The following DSCAML1 variants were observed in gnomAD, a reference collection of about 807,000 sequenced individuals.
DSCAML1 encodes the protein cell adhesion molecule DSCAML1.
Under a neutral mutation model 200.5 loss-of-function variants are expected in DSCAML1, and 38 were observed. The ratio of observed to expected loss-of-function variants is 0.19; its 90% CI spans 0.15 to 0.25. The LOEUF (loss-of-function observed/expected upper bound fraction) is 0.25, where lower values mean the gene tolerates loss of function less well. Among genes scored for constraint, DSCAML1 ranks in the 10% least tolerant of loss-of-function variants. The pLI, the probability that DSCAML1 is intolerant of heterozygous loss-of-function variation, is 1.00. For synonymous variants in DSCAML1, 1,215 were observed against 1,165.0 expected (o/e 1.04, Z -0.87); for missense variants, 2,223 against 2,858.8 (o/e 0.78, Z 5.07).
chr11:117,696,189 C>T (rs2053585163), intron 3 of DSCAML1, among the ~76,000 whole-genome samples: 1 of 152,184 alleles, frequency 6.6e-6, no homozygotes, highest in African/African-American at 2.4e-5. Context: ...AGAAGCTTCG[C>T]ACGGGGTACA....
intron 17 of DSCAML1, 145 bp downstream of exon 17, chr11:117,464,797 T>C (rs2137159152): frequency 1.6e-6 from 2 of 1,253,494 alleles, no homozygotes; most frequent in Non-Finnish European, 2.2e-6. Flanking sequence ...CAAGAGGAGA[T>C]GGCGGGGATG....
intron 3 of DSCAML1, among the ~76,000 whole-genome samples, chr11:117,711,782 C>A (rs192886963): frequency 3.9e-5 from 6 of 152,192 alleles, no homozygotes; most frequent in Non-Finnish European, 7.3e-5. Flanking sequence ...TTACAACTGG[C>A]CTATCATCAG....
intron 1 of DSCAML1, among the ~76,000 whole-genome samples, chr11:117,804,543 C>T (rs1395498653): frequency 6.6e-6 from 1 of 152,256 alleles, no homozygotes; most frequent in Non-Finnish European, 1.5e-5. Context: ...GCCCCCACAC[C>T]TTCCTTTTGC....
intron 24 of DSCAML1, 79 bp from the exon 25 acceptor site, chr11:117,438,162 G>A (rs2047961197): frequency 7.1e-6 from 10 of 1,410,510 alleles, no homozygotes; most frequent in Non-Finnish European, 9.6e-6. Context: ...ACCCCAACAG[G>A]GGGCTGGGCT....
chr11:117,479,102 A>G (rs7929976), intron 14 of DSCAML1, among the ~76,000 whole-genome samples: 33,367 of 152,250 alleles, frequency 0.22, 3,876 homozygotes, highest in South Asian at 0.42. Flanking sequence ...CTTGCTGAGC[A>G]TCTACCATGT....
At position 117,687,448 on chromosome 11, in the gene DSCAML1, T is replaced by TA. The variant is rs1555198844; in HGVS notation, c.511+89342dup. 9.4e-5 allele frequency among the ~76,000 whole-genome samples: 14 copies of TA among 148,748 alleles called. No homozygotes were observed. The South Asian group carries it at 3.1e-3, about 32-fold the overall frequency. On this transcript the variant is annotated intron_variant, in intron 3 of 32. Coordinates refer to ENST00000651296, the MANE Select transcript of DSCAML1 (RefSeq NM_020693.4). ...GCTATTTTTTTTTTTTTTTTTTTTT[T>TA]AGAGATGGGGTCTCGCTATTTTGCC...
chr11:117,608,705 T>C (rs2051624664), intron 3 of DSCAML1, among the ~76,000 whole-genome samples: 1 of 152,232 alleles, frequency 6.6e-6, no homozygotes. Context: ...TCTGTATTTC[T>C]GATTATTTTC....
intron 3 of DSCAML1, among the ~76,000 whole-genome samples, chr11:117,715,923 A>G (rs1446559106): frequency 6.6e-6 from 1 of 152,122 alleles, no homozygotes; most frequent in Non-Finnish European, 1.5e-5. Context: ...GGCCCACAAG[A>G]CCCTGAAAAT....
chr11:117,458,959 C>T (rs368585842), intron 18 of DSCAML1, 50 bp from the exon 19 acceptor site: 12 of 1,589,350 alleles, frequency 7.6e-6, no homozygotes, highest in Non-Finnish European at 1.0e-5. Context: ...GGGCTGTGGC[C>T]CCTGCTGCTA....
intron 3 of DSCAML1, among the ~76,000 whole-genome samples, chr11:117,576,230 T>C (rs504935): frequency 0.2 from 30,285 of 152,070 alleles, 3,478 homozygotes; most frequent in South Asian, 0.44. Context: ...AGAGGGGTGA[T>C]TGGGTTTGGG....
At chr11:117,585,395 G>A (rs2051120470) in intron 3 of DSCAML1, among the ~76,000 whole-genome samples, 1 of 152,008 alleles carries the variant, frequency 6.6e-6, no homozygotes, top group East Asian at 1.9e-4. Flanking sequence ...GACTACAGGC[G>A]CCCACCACCA....
chr11:117,783,111 G>A (rs990093712), intron 1 of DSCAML1, among the ~76,000 whole-genome samples: 6 of 151,600 alleles, frequency 4.0e-5, no homozygotes, highest in African/African-American at 1.5e-4. Flanking sequence ...ACACATACAT[G>A]CACATACACG....
rs139103236 is a variant in DSCAML1 at position 117,610,096 on chromosome 11, C to G, written c.512-77574G>C. On this transcript the variant is annotated intron_variant, in intron 3 of 32. Coordinates refer to ENST00000651296, the MANE Select transcript of DSCAML1 (RefSeq NM_020693.4). ...CTGCCCCCTCGAGGAGGCACCAGTA[C>G]TCTCTGCATCTGGACTTTCAAGCTG... is the stretch of plus-strand genomic sequence containing the variant. Among the ~76,000 whole-genome samples the G allele has an allele frequency of 9.4e-3, 1,435 of 152,324 alleles. 12 individuals carry two copies. The highest frequency in any genetic ancestry group is 0.02 in the South Asian group (98 of 4,822).
chr11:117,607,190 C>T (rs1254242474), intron 3 of DSCAML1, among the ~76,000 whole-genome samples: 2 of 152,308 alleles, frequency 1.3e-5, no homozygotes, highest in East Asian at 3.9e-4. Context: ...GTCCCTGTGG[C>T]CTTGTCTCCT....
chr11:117,581,159 G>A (rs908838745), intron 3 of DSCAML1, among the ~76,000 whole-genome samples: 1 of 152,178 alleles, frequency 6.6e-6, no homozygotes, highest in East Asian at 1.9e-4. Flanking sequence ...TGCCGTGCCT[G>A]TGCACTTTGA....
At chr11:117,597,234 C>G (rs892982422) in intron 3 of DSCAML1, among the ~76,000 whole-genome samples, 2 of 152,172 alleles carry the variant, frequency 1.3e-5, no homozygotes, top group Non-Finnish European at 2.9e-5. Context: ...GGGGAGCACT[C>G]GAGAGCCACT....
intron 4 of DSCAML1, among the ~76,000 whole-genome samples, chr11:117,531,926 A>AAGGGAAGGGAGG (rs2050085010): frequency 1.1e-5 from 1 of 91,808 alleles, no homozygotes; most frequent in African/African-American, 4.7e-5. Flanking sequence ...AAGGGAAGGG[A>AAGGGAAGGGAGG]AGGGAGGAGG....
In DSCAML1 at chr11:117,465,169, T is replaced by C; in HGVS notation, c.3038A>G (p.Glu1013Gly). 6.2e-7 allele frequency: 1 copy of C among 1,613,736 alleles called. No homozygotes were observed. Among genetic ancestry groups the C allele is most frequent in the South Asian group, 1.1e-5 (1 of 91,068 alleles). ...IQVTWKAPKKELQNGVIRGYQ... is the reference protein window; with the variant it reads ...IQVTWKAPKKGLQNGVIRGYQ... The stretch of plus-strand genomic sequence containing the variant: ...GCCCCGGATGACACCGTTCTGCAGC[T>C]CCTTCTTGGGTGCCTGTGAGCATGG... Residue 1013 changes from glutamate to glycine, a missense_variant, in exon 17 of 33, where the codon GAG becomes GGG. Physicochemically the swap from Glu to Gly is moderately conservative, Grantham distance 98 (BLOSUM62 -2). Around this residue, in one of 7 missense-constraint regions of DSCAML1, gnomAD observed 438 missense variants for 629.7 expected, o/e 0.70. Coordinates refer to ENST00000651296, the MANE Select transcript of DSCAML1 (RefSeq NM_020693.4).
chr11:117,643,405 C>T (rs2052451695), intron 3 of DSCAML1, among the ~76,000 whole-genome samples: 2 of 152,216 alleles, frequency 1.3e-5, no homozygotes, highest in South Asian at 4.1e-4. Flanking sequence ...TACCATCTCC[C>T]TCCCCTTGGA....
Sources: gnomAD v4.1 joint callset for allele counts (sites outside exome capture counted in the v4.1 genomes callset) on GRCh38, gnomAD v4.1.1 for gene constraint, gnomAD v4.1.1 regional missense constraint, MANE v1.5 for transcripts, NCBI Gene and HGNC (gene_info 2026-07-23, HGNC 2026-07-21) for gene names.